The following OCA2 variants were observed in gnomAD, a reference collection of about 807,000 sequenced individuals.
OCA2 encodes the protein OCA2 melanosomal transmembrane protein, also known as P protein.
Under a neutral mutation model 100.2 loss-of-function variants are expected in OCA2, and 77 were observed. The ratio of observed to expected loss-of-function variants is 0.77; its 90% confidence interval spans 0.64 to 0.93. The LOEUF is 0.93. Ranked by LOEUF, OCA2 falls within the 40% of genes least tolerant of loss-of-function variation. The probability of loss-of-function intolerance (pLI) is 0.00; values close to 1 mark genes in which losing one functional copy is unlikely to be tolerated. For missense variants in OCA2, 1,062 were observed against 1,089.1 expected, an observed-to-expected ratio of 0.98 and a Z score of 0.35; for synonymous variants, 432 against 439.2, an observed-to-expected ratio of 0.98 and a Z score of 0.21.
At chr15:27,764,912 G>A (rs547129641) in intron 23 of OCA2, among the ~76,000 whole-genome samples, 1 of 152,342 alleles carries the variant, frequency 6.6e-6, no homozygotes, top group African/African-American at 2.4e-5. Context: ...AGCAGCTTGG[G>A]CTGCTGGACT....
rs757294992 is a variant in OCA2 at position 28,081,858 on chromosome 15, C to G, written c.17G>C (p.Arg6Thr). 3.1e-6 allele frequency: 5 copies of G among 1,610,996 alleles called. No individual in the cohort carries two copies. The highest frequency in any genetic ancestry group is 4.2e-6 in the Non-Finnish European group (5 of 1,179,642). The change falls in exon 2 of 24, where the codon AGA (arginine) becomes ACA (threonine). Residue 6 changes from arginine (R) to threonine (T), a missense_variant. Physicochemically the swap from Arg to Thr is moderately conservative, Grantham distance 71. Transcript: ENST00000354638. ...CGCGCCGGGGTACCGCCTGCCGTCT[C>G]TGCCCTCCAGATGCATGCTCCACTG... MHLEG[R>T]DGRRYPGAPA... is the part of the protein sequence containing the mutation.
intron 23 of OCA2, among the ~76,000 whole-genome samples, chr15:27,768,875 C>T (rs549873045): frequency 6.6e-6 from 1 of 152,192 alleles, no homozygotes; most frequent in African/African-American, 2.4e-5. Context: ...CTTCTGGGGC[C>T]GAGCCAGTTG....
intron 19 of OCA2, among the ~76,000 whole-genome samples, chr15:27,919,327 T>C (rs76805916): frequency 0.04 from 6,117 of 152,260 alleles, 413 homozygotes; most frequent in African/African-American, 0.14. Context: ...TAGACGTTCG[T>C]AGCAGCTTTA....
chr15:27,835,294 T>A (rs1308971177), intron 23 of OCA2, among the ~76,000 whole-genome samples: 1 of 152,182 alleles, frequency 6.6e-6, no homozygotes, highest in Non-Finnish European at 1.5e-5. Flanking sequence ...ATATATTCCA[T>A]CCCACATGAT....
At chr15:28,013,641 G>A (rs1330935427) in intron 9 of OCA2, among the ~76,000 whole-genome samples, 2 of 152,120 alleles carry the variant, frequency 1.3e-5, no homozygotes, top group Non-Finnish European at 2.9e-5. Context: ...CTGGAGGGAG[G>A]GGCGTGCTCT....
At chr15:27,785,522 C>T (rs945303386) in intron 23 of OCA2, among the ~76,000 whole-genome samples, 2 of 152,136 alleles carry the variant, frequency 1.3e-5, no homozygotes, top group South Asian at 2.1e-4. Context: ...AAATCAAAAC[C>T]ACAATGAGAT....
intron 23 of OCA2, among the ~76,000 whole-genome samples, chr15:27,783,822 C>T (rs2032666897): frequency 6.6e-6 from 1 of 152,238 alleles, no homozygotes; most frequent in Non-Finnish European, 1.5e-5. Context: ...AAGGGGTCAG[C>T]ATGTGCTGTC....
chr15:27,863,818 T>C (rs980648198), intron 21 of OCA2, among the ~76,000 whole-genome samples: 1 of 152,252 alleles, frequency 6.6e-6, no homozygotes, highest in African/African-American at 2.4e-5. Context: ...CAATATTTTT[T>C]GTTGAAAACA....
At chr15:27,934,233 T>C (rs1047911658) in intron 18 of OCA2, among the ~76,000 whole-genome samples, 5 of 152,100 alleles carry the variant, frequency 3.3e-5, no homozygotes, top group Non-Finnish European at 5.9e-5. Flanking sequence ...CCATGTTTTA[T>C]ATCATGCAAA....
intron 23 of OCA2, among the ~76,000 whole-genome samples, chr15:27,809,663 A>T (rs1465586231): frequency 6.6e-6 from 1 of 152,236 alleles, no homozygotes; most frequent in Non-Finnish European, 1.5e-5. Context: ...CAAACTTTCA[A>T]TAAAGTCTCA....
chr15:27,814,945 T>TAGATAGATAGATAGATAGAG (rs71132822), intron 23 of OCA2, among the ~76,000 whole-genome samples: 32 of 107,428 alleles, frequency 3.0e-4, no homozygotes, highest in East Asian at 5.0e-4. Context: ...GATAGATAGA[T>TAGATAGATAGATAGATAGAG]ACAGAGATAT....
intron 23 of OCA2, among the ~76,000 whole-genome samples, chr15:27,810,547 A>C (rs537649487): frequency 6.6e-6 from 1 of 152,306 alleles, no homozygotes; most frequent in East Asian, 1.9e-4. Flanking sequence ...CAGCAAAAGA[A>C]GTAATCATCA....
chr15:27,972,847 TATTTTATTTTATTTTATTTTA>T (rs2040839675), intron 14 of OCA2, among the ~76,000 whole-genome samples: 2 of 136,350 alleles, frequency 1.5e-5, no homozygotes, highest in African/African-American at 2.7e-5. Context: ...TATTTTATTT[TATTTTATTTTATTTTATTTTA>T]TTTTATTTTA....
chr15:28,025,221 G>A (rs1171669638), intron 4 of OCA2, among the ~76,000 whole-genome samples: 1 of 152,148 alleles, frequency 6.6e-6, no homozygotes, highest in East Asian at 1.9e-4. Flanking sequence ...TGGAAAAAAA[G>A]TAAACTGAAT....
intron 23 of OCA2, among the ~76,000 whole-genome samples, chr15:27,843,185 G>A (rs1214544747): frequency 1.4e-4 from 22 of 152,286 alleles, no homozygotes; most frequent in Admixed American, 1.0e-3. Flanking sequence ...TGTATAGTAT[G>A]CTTGGCCAAC....
intron 14 of OCA2, among the ~76,000 whole-genome samples, chr15:27,977,193 GA>G (rs921991246): frequency 1.3e-5 from 2 of 151,826 alleles, no homozygotes; most frequent in Admixed American, 1.3e-4. Context: ...CAATATTATT[GA>G]TCTTGTCAAA....
At chr15:27,998,641 C>T (rs1462447917) in intron 9 of OCA2, among the ~76,000 whole-genome samples, 5 of 137,128 alleles carry the variant, frequency 3.6e-5, no homozygotes, top group Admixed American at 7.5e-5. Context: ...GTCAGTGTGG[C>T]GATTCCTCAG....
chr15:27,891,014 A>G (rs1425101306), intron 19 of OCA2, among the ~76,000 whole-genome samples: 1 of 151,144 alleles, frequency 6.6e-6, no homozygotes, highest in Non-Finnish European at 1.5e-5. Context: ...ACAGAGTGAG[A>G]CTCCATCTCA....
intron 14 of OCA2, among the ~76,000 whole-genome samples, chr15:27,981,786 GA>G (rs572400200): frequency 5.9e-5 from 9 of 152,322 alleles, no homozygotes; most frequent in Middle Eastern, 3.4e-3. Context: ...GGGACCCTCT[GA>G]GGATCTCTGT....
Sources: allele counts gnomAD v4.1 joint callset (sites outside exome capture counted in the v4.1 genomes callset), GRCh38; gene constraint gnomAD v4.1.1; transcripts MANE v1.5; gene names NCBI Gene and HGNC (gene_info 2026-07-23, HGNC 2026-07-21).